SLC38A8: variants seen among roughly 807,000 people sequenced by gnomAD.
SLC38A8 encodes solute carrier family 38 member 8.
A neutral mutation model predicts 46.0 loss-of-function variants in SLC38A8; 65 were observed. That is an observed-to-expected ratio of 1.41 (90% confidence interval 1.16 to 1.74). The LOEUF (loss-of-function observed/expected upper bound fraction) is 1.74. SLC38A8 is among the 40% of genes most tolerant of loss of function. SLC38A8 has a pLI of 0.00. For synonymous variants in SLC38A8, 447 were observed against 243.7 expected (o/e 1.83, Z -7.77); for missense variants, 998 against 567.9 (o/e 1.76, Z -7.70).
rs550646580 is a variant in SLC38A8, at chr16:84,037,341, A to G, written c.190-441T>C. 2.0e-5 allele frequency among the ~76,000 whole-genome samples: 3 copies of G among 152,326 alleles called. No individual in the cohort carries two copies. In the East Asian group the frequency reaches 5.8e-4, roughly 29 times the overall value. ...CACCTGCTGTGTGGCATGAAGCAGGATGGCAACCTCTGCTTTTCCATCTGT... is the reference window on the plus strand; with the variant it reads ...CACCTGCTGTGTGGCATGAAGCAGGGTGGCAACCTCTGCTTTTCCATCTGT... On this transcript the variant is annotated intron_variant, in intron 2 of 10. Transcript: ENST00000299709.
chr16:84,026,327 T>C (rs1241023003), intron 6 of SLC38A8, among the ~76,000 whole-genome samples: 1 of 152,212 alleles, frequency 6.6e-6, no homozygotes, highest in African/African-American at 2.4e-5. Context: ...CATCCTGGGT[T>C]CAAGGGATTC....
At chr16:84,013,133 G>T (rs144724564) in intron 9 of SLC38A8, 81 bp from the exon 10 acceptor site, 14 of 1,547,174 alleles carry the variant, frequency 9.0e-6, no homozygotes, top group Non-Finnish European at 1.2e-5. Context: ...GGTCCTCAGG[G>T]ACCCAGGAGG....
At chr16:84,024,513 G>A (rs1361303592) in intron 6 of SLC38A8, among the ~76,000 whole-genome samples, 4 of 152,038 alleles carry the variant, frequency 2.6e-5, no homozygotes, top group Non-Finnish European at 4.4e-5. Context: ...GGGAGCGGTG[G>A]CTCACGCCTG....
chr16:84,024,606 C>G (rs1383208880), intron 6 of SLC38A8, among the ~76,000 whole-genome samples: 2 of 151,820 alleles, frequency 1.3e-5, no homozygotes, highest in African/African-American at 4.8e-5. Context: ...CATGGTGAAA[C>G]CCCGTCTCTA....
intron 10 of SLC38A8, 98 bp downstream of exon 10, chr16:84,012,903 T>C: frequency 3.0e-6 from 4 of 1,327,290 alleles, no homozygotes; most frequent in South Asian, 1.3e-5. Flanking sequence ...ACCTGCAGGA[T>C]GCAGAGGATG....
chr16:84,041,947 G>C, intron 2 of SLC38A8, 22 bp downstream of exon 2: 1 of 1,554,688 alleles, frequency 6.4e-7, no homozygotes, highest in Non-Finnish European at 8.7e-7. Flanking sequence ...CCGTCCCCAG[G>C]ACTCACTTCC....
chr16:84,036,027 C>G (rs1471541213), intron 3 of SLC38A8, among the ~76,000 whole-genome samples: 1 of 152,204 alleles, frequency 6.6e-6, no homozygotes, highest in South Asian at 2.1e-4. Context: ...CAAGACAGAC[C>G]ATGTGCTGGA....
chr16:84,022,485 G>A (rs986289260), intron 7 of SLC38A8, among the ~76,000 whole-genome samples: 1 of 152,204 alleles, frequency 6.6e-6, no homozygotes, highest in Admixed American at 6.5e-5. Flanking sequence ...CAGGGCTGGG[G>A]TGTGGTGTGT....
chr16:84,016,154 C>T (rs1224880375), intron 9 of SLC38A8, among the ~76,000 whole-genome samples: 1 of 152,196 alleles, frequency 6.6e-6, no homozygotes, highest in Non-Finnish European at 1.5e-5. Context: ...ACTTATAAAA[C>T]CATCAGATCT....
chr16:84,039,467 G>A (rs1008376386), intron 2 of SLC38A8, among the ~76,000 whole-genome samples: 2 of 152,134 alleles, frequency 1.3e-5, no homozygotes, highest in African/African-American at 2.4e-5. Context: ...CAGGGGGGCC[G>A]GGTACGGTGG....
At chr16:84,037,675 C>T (rs1357437189) in intron 2 of SLC38A8, among the ~76,000 whole-genome samples, 1 of 151,738 alleles carries the variant, frequency 6.6e-6, no homozygotes, top group Non-Finnish European at 1.5e-5. Context: ...GCAGCAAAAT[C>T]TCTTGAACCT....
chr16:84,029,389 C>T, intron 6 of SLC38A8, 105 bp downstream of exon 6: 2 of 1,217,406 alleles, frequency 1.6e-6, no homozygotes, highest in Non-Finnish European at 1.2e-6. Context: ...TAGGAGAAGT[C>T]CTCAGACGCC....
chr16:84,033,626 C>A (rs1022048499), intron 3 of SLC38A8, among the ~76,000 whole-genome samples, 157 bp from the exon 4 acceptor site: 3 of 152,120 alleles, frequency 2.0e-5, no homozygotes, highest in African/African-American at 7.2e-5. Flanking sequence ...AGACAGGTCA[C>A]GTGCCCCACG....
In SLC38A8 at chr16:84,013,266, T is replaced by C. The variant is rs114207443; in HGVS notation, c.1163-214A>G. ...TGCCCTAATGACTTAGGCAGAGGTC[T>C]GGCAGCAACCGACTTCCCAGAGCCC... On this transcript the variant is annotated intron_variant, in intron 9 of 10. Coordinates refer to ENST00000299709, the MANE Select transcript of SLC38A8 (RefSeq NM_001080442.3). Among the ~76,000 whole-genome samples, 576 of 152,232 alleles carry C rather than the reference T, an allele frequency of 3.8e-3. 4 individuals are homozygous for C. Among genetic ancestry groups the C allele is most frequent in the African/African-American group, 0.013 (548 of 41,556 alleles).
At chr16:84,031,797 G>A (rs1286680757) in intron 5 of SLC38A8, 70 bp downstream of exon 5, 1 of 1,321,322 alleles carries the variant, frequency 7.6e-7, no homozygotes, top group Non-Finnish European at 1.1e-6. Context: ...CCTCCTCCAA[G>A]ACTCCCCTCA....
chr16:84,019,534 T>C (rs1411746141), intron 7 of SLC38A8, among the ~76,000 whole-genome samples: 2 of 152,206 alleles, frequency 1.3e-5, no homozygotes. Context: ...ATACTGGCAA[T>C]TTAATTTCAA....
In SLC38A8 at chr16:84,017,337, C is replaced by A. The variant is rs2085042541; in HGVS notation, c.806-50G>T. On this transcript the variant is annotated intron_variant, in intron 7 of 10. Transcript: ENST00000299709. ...CACAGAGTGGATTAGGAAAATGCTG[C>A]CCCCTCCCCCACCAACAGACAGACA... 6 of 1,597,780 alleles carry A rather than the reference C, an allele frequency of 3.8e-6. No individual in the cohort carries two copies. In the East Asian group the frequency reaches 1.1e-4, roughly 30 times the overall value.
At chr16:84,023,106 C>T (rs1398541795) in intron 6 of SLC38A8, among the ~76,000 whole-genome samples, 1 of 152,130 alleles carries the variant, frequency 6.6e-6, no homozygotes, top group Non-Finnish European at 1.5e-5. Context: ...AAACACGCCA[C>T]AGTACCAGGC....
At chr16:84,020,721 G>A (rs1438136341) in intron 7 of SLC38A8, among the ~76,000 whole-genome samples, 1 of 152,198 alleles carries the variant, frequency 6.6e-6, no homozygotes, top group Non-Finnish European at 1.5e-5. Flanking sequence ...CTGCCCTTGA[G>A]GCCTCTGAGC....
Sources: gnomAD v4.1 joint callset for allele counts (sites outside exome capture counted in the v4.1 genomes callset) on GRCh38, gnomAD v4.1.1 for gene constraint, MANE v1.5 for transcripts, NCBI Gene and HGNC (gene_info 2026-07-23, HGNC 2026-07-21) for gene names.